The following KIF27 variants were observed in gnomAD, a reference collection of about 807,000 sequenced individuals.
KIF27 encodes kinesin family member 27.
Under a neutral mutation model 141.8 loss-of-function variants are expected in KIF27, and 84 were observed. The observed-to-expected ratio is 0.59, with a 90% CI of 0.50 to 0.71. The LOEUF is 0.71. Among genes scored for constraint, KIF27 ranks in the 30% least tolerant of loss-of-function variants. KIF27 has a pLI of 0.00. For missense variants in KIF27, 1,306 were observed against 1,628.4 expected (o/e 0.80, Z 3.41); for synonymous variants, 471 against 569.5 (o/e 0.83, Z 2.46).
chr9:83,841,461 C>A (rs1371554296), intron 17 of KIF27, among the ~76,000 whole-genome samples: 2 of 152,144 alleles, frequency 1.3e-5, no homozygotes, highest in East Asian at 1.9e-4. Context: ...GTGTGCCCAT[C>A]TTTAAGTAGT....
rs1951471068 is a variant in KIF27 at position 83,879,161 on chromosome 9, A to G, written c.2643+1136T>C. Among the ~76,000 whole-genome samples, 3 of 149,470 alleles carry G rather than the reference A, an allele frequency of 2.0e-5. No homozygotes were observed. In the South Asian group the frequency reaches 6.4e-4, roughly 32 times the overall value. ...CCATTGCACTCCAGCCTGGGCAACA[A>G]GAGTGAAACTCCATCTCAAAAAAAA... On this transcript the variant is annotated intron_variant, in intron 11 of 17. Transcript: ENST00000297814.
intron 13 of KIF27, chr9:83,860,184 T>C (rs1409939139): frequency 6.6e-6 from 1 of 152,196 alleles, no homozygotes; most frequent in Admixed American, 6.5e-5. Flanking sequence ...CTGTTCACAG[T>C]AATTATTTGT....
intron 4 of KIF27, among the ~76,000 whole-genome samples, chr9:83,901,083 C>T (rs1017702801): frequency 9.9e-5 from 15 of 152,202 alleles, no homozygotes; most frequent in Admixed American, 6.5e-4. Context: ...CTAAGCCTCC[C>T]GAGTAGGTGG....
At chr9:83,900,971 T>G (rs1388002051) in intron 4 of KIF27, among the ~76,000 whole-genome samples, 1 of 152,106 alleles carries the variant, frequency 6.6e-6, no homozygotes, top group Non-Finnish European at 1.5e-5. Flanking sequence ...TATTCATTTA[T>G]TTTTAGAGAC....
At chr9:83,872,538 A>C (rs1217654599) in intron 11 of KIF27, among the ~76,000 whole-genome samples, 3 of 152,158 alleles carry the variant, frequency 2.0e-5, no homozygotes, top group Non-Finnish European at 4.4e-5. Context: ...ATGTCTGATG[A>C]CTCTAACAAT....
In KIF27 at chr9:83,908,437, A is replaced by G. The variant is rs1220491499; in HGVS notation, c.499+15T>C. The G allele has an allele frequency of 6.5e-7, 1 of 1,543,690 alleles. No individual in the cohort carries two copies. Among genetic ancestry groups the G allele is most frequent in the Non-Finnish European group, 8.9e-7 (1 of 1,124,618 alleles). On this transcript the variant is annotated intron_variant, in intron 3 of 17. Transcript: ENST00000297814. ...GTTTGCTAATGAAGGCAACTGATTAAGTGTGCTACTTTACCTGTGTTTCCT... is the reference window on the plus strand; with the variant it reads ...GTTTGCTAATGAAGGCAACTGATTAGGTGTGCTACTTTACCTGTGTTTCCT...
At chr9:83,857,846 G>A (rs1305220750) in intron 14 of KIF27, among the ~76,000 whole-genome samples, 1 of 152,074 alleles carries the variant, frequency 6.6e-6, no homozygotes, top group African/African-American at 2.4e-5. Context: ...AAGAGGTATA[G>A]CTGTAATACA....
rs201752489 is a variant in KIF27, at chr9:83,856,017, T to TA, written c.3151-2183dup. Among the ~76,000 whole-genome samples the TA allele has an allele frequency of 3.3e-5, 5 of 152,210 alleles. No homozygotes were observed. The East Asian group carries it at 9.6e-4, about 29-fold the overall frequency. On this transcript the variant is annotated intron_variant, in intron 14 of 17. Transcript: ENST00000297814. The stretch of plus-strand genomic sequence containing the variant: ...CAGCAATAGGTGTAGGCTGACAAGA[T>TA]ACGTGGCAATGGGTAAGTAACTATC...
intron 12 of KIF27, among the ~76,000 whole-genome samples, 191 bp downstream of exon 12, chr9:83,870,328 G>A (rs1489836901): frequency 4.6e-5 from 7 of 152,134 alleles, no homozygotes; most frequent in East Asian, 1.9e-4. Context: ...CACCAAGCCC[G>A]GCTAATTTTT....
At chr9:83,894,642 C>T (rs916877953) in intron 5 of KIF27, among the ~76,000 whole-genome samples, 1 of 152,154 alleles carries the variant, frequency 6.6e-6, no homozygotes, top group African/African-American at 2.4e-5. Flanking sequence ...CGCCAGATAA[C>T]ATTTTATAGG....
At chr9:83,857,836 A>G (rs1317512137) in intron 14 of KIF27, among the ~76,000 whole-genome samples, 3 of 152,204 alleles carry the variant, frequency 2.0e-5, no homozygotes, top group Non-Finnish European at 4.4e-5. Context: ...TAAATAATGT[A>G]AGAGGTATAG....
intron 14 of KIF27, among the ~76,000 whole-genome samples, chr9:83,857,424 T>C (rs575940694): frequency 6.6e-6 from 1 of 152,214 alleles, no homozygotes; most frequent in South Asian, 2.1e-4. Context: ...GAACCAACCA[T>C]GTGGAAGAAA....
rs1336891747 is a variant in KIF27, at chr9:83,899,649, T to C, written c.1602+12A>G. On this transcript the variant is annotated intron_variant, in intron 5 of 17. Transcript: ENST00000297814. ...AAGAAAATCTACAGAGCTAGATGCA[T>C]TAAGAAACTACCTGCAGTCTATTCA... 2.5e-6 allele frequency: 4 copies of C among 1,611,888 alleles called. No individual in the cohort carries two copies. The highest frequency in any genetic ancestry group is 3.4e-6 in the Non-Finnish European group (4 of 1,178,498).
intron 6 of KIF27, 109 bp downstream of exon 6, chr9:83,891,186 T>C: frequency 2.4e-6 from 2 of 833,016 alleles, no homozygotes; most frequent in Non-Finnish European, 3.8e-6. Context: ...CAAAATTCCA[T>C]AAAATCAAAC....
Position 83,909,928 on chromosome 9 carries a change from G to A in KIF27, c.299-1276C>T, listed in dbSNP as rs536358567. Among the ~76,000 whole-genome samples, 8 of 152,138 alleles carry A rather than the reference G, an allele frequency of 5.3e-5. 1 individual carries two copies. In the South Asian group the frequency reaches 1.0e-3, roughly 20 times the overall value. On this transcript the variant is annotated intron_variant, in intron 2 of 17. Coordinates refer to ENST00000297814, the MANE Select transcript of KIF27 (RefSeq NM_017576.4). ...AAATACAAAAAATTAGCTGGGCATC[G>A]TGTTGCATGCCTATGGTCTCAGCTG... is the stretch of plus-strand genomic sequence containing the variant.
chr9:83,857,377 A>G (rs967835942), intron 14 of KIF27, among the ~76,000 whole-genome samples: 2 of 152,158 alleles, frequency 1.3e-5, no homozygotes, highest in Non-Finnish European at 2.9e-5. Flanking sequence ...TAAAATCGTG[A>G]TAAGAGCAGA....
intron 16 of KIF27, among the ~76,000 whole-genome samples, chr9:83,848,258 T>G (rs1362541077): frequency 9.0e-6 from 1 of 110,532 alleles, no homozygotes; most frequent in Non-Finnish European, 1.8e-5. Flanking sequence ...AGATATGATA[T>G]ATATGATATA....
At chr9:83,866,394 T>C (rs1241197670) in intron 13 of KIF27, among the ~76,000 whole-genome samples, 1 of 152,226 alleles carries the variant, frequency 6.6e-6, no homozygotes, top group Non-Finnish European at 1.5e-5. Context: ...CTCTAGGTAC[T>C]TGGAATGCAG....
chr9:83,880,432 T>C lies in KIF27; in HGVS notation c.2508A>G (p.Lys836=). 6.2e-7 allele frequency: 1 copy of C among 1,613,454 alleles called. No individual in the cohort carries two copies. Among genetic ancestry groups the C allele is most frequent in the Non-Finnish European group, 8.5e-7 (1 of 1,179,812 alleles). The change falls in exon 11 of 18, where the codon AAA becomes AAG. Residue 836 remains lysine (K), a synonymous_variant. Transcript: ENST00000297814. Reference sequence around the variant, plus strand: ...CACTCTGCTCTAGCTCATTAGCACGTTTCTCATTTTGGATTGACAGTGATG... The same window carrying C: ...CACTCTGCTCTAGCTCATTAGCACGCTTCTCATTTTGGATTGACAGTGATG... The part of the protein sequence containing the change: ...KLASLSIQNE[K]RANELEQSVD...
Sources: allele counts gnomAD v4.1 joint callset (sites outside exome capture counted in the v4.1 genomes callset), GRCh38; gene constraint gnomAD v4.1.1; transcripts MANE v1.5; gene names NCBI Gene and HGNC (gene_info 2026-07-23, HGNC 2026-07-21).